Variants in CALCR observed in about 807,000 individuals in gnomAD.
The protein encoded by CALCR is calcitonin receptor.
In CALCR, 47 loss-of-function variants were observed where a neutral mutation model predicts 59.5. The observed-to-expected ratio is 0.79, with a 90% CI of 0.63 to 1.01. CALCR has a LOEUF of 1.01. Ranked by LOEUF, CALCR falls within the 50% of genes least tolerant of loss-of-function variation. CALCR has a pLI of 0.00. For missense variants in CALCR, 566 were observed against 597.1 expected, an observed-to-expected ratio of 0.95 and a Z score of 0.54; for synonymous variants, 213 against 211.3, an observed-to-expected ratio of 1.01 and a Z score of -0.07.
In CALCR at chr7:93,460,364, G is replaced by C. The variant is rs1300592434; in HGVS notation, c.648+457C>G. ...AAGTCAGGAGTTCAAGATCAGCCTG[G>C]CCAATATGGTGAAACCCCGTTTCTA... On this transcript the variant is annotated intron_variant, in intron 8 of 13. Coordinates refer to ENST00000426151, the MANE Select transcript of CALCR (RefSeq NM_001742.4). Among the ~76,000 whole-genome samples, 4 of 151,370 alleles carry C rather than the reference G, an allele frequency of 2.6e-5. No homozygotes were observed. In the East Asian group the frequency reaches 7.8e-4, roughly 29 times the overall value.
chr7:93,464,347 A>T (rs1463324658), intron 7 of CALCR, among the ~76,000 whole-genome samples: 1 of 152,032 alleles, frequency 6.6e-6, no homozygotes, highest in East Asian at 1.9e-4. Context: ...AAAAGAAAAC[A>T]AGTAAAAGTT....
At chr7:93,472,837 A>T (rs901308393) in intron 5 of CALCR, among the ~76,000 whole-genome samples, 2 of 151,798 alleles carry the variant, frequency 1.3e-5, no homozygotes, top group African/African-American at 4.8e-5. Flanking sequence ...CTACCTCATA[A>T]TTTTTTAACA....
chr7:93,517,317 A>ACTTTTTTTTTTTTTT (rs1191258842), intron 2 of CALCR, among the ~76,000 whole-genome samples: 2 of 127,814 alleles, frequency 1.6e-5, no homozygotes, highest in East Asian at 2.9e-4. Context: ...TTTTTTTTTA[A>ACTTTTTTTTTTTTTT]TTTGCTAGCC....
intron 8 of CALCR, among the ~76,000 whole-genome samples, chr7:93,456,034 A>G (rs1800203029): frequency 6.6e-6 from 1 of 152,156 alleles, no homozygotes; most frequent in South Asian, 2.1e-4. Context: ...AGGATTAGAT[A>G]AGAGATCTAA....
chr7:93,485,808 G>T (rs551082076), intron 3 of CALCR, among the ~76,000 whole-genome samples: 38 of 151,404 alleles, frequency 2.5e-4, no homozygotes, highest in African/African-American at 8.5e-4. Context: ...ATATTTAATA[G>T]GATAAAATGA....
At chr7:93,486,317 C>G (rs1300798805) in intron 3 of CALCR, among the ~76,000 whole-genome samples, 2 of 151,510 alleles carry the variant, frequency 1.3e-5, no homozygotes. Flanking sequence ...GATTATATTT[C>G]CGATTACTTG....
rs1801188753 is a variant in CALCR, at chr7:93,495,833, A to C, written c.-26-8826T>G. ...TTTAGAACATGCAAATGAAGAAACC[A>C]TTGTAAGAGGTTCAGTTACTGGTGG... On this transcript the variant is annotated intron_variant, in intron 2 of 13. Coordinates refer to ENST00000426151, the MANE Select transcript of CALCR (RefSeq NM_001742.4). 4.7e-6 allele frequency: 6 copies of C among 1,282,546 alleles called. No individual in the cohort carries two copies. The South Asian group carries it at 6.5e-5, about 14-fold the overall frequency. 79.4% of individuals were successfully genotyped at this position (1,282,546 alleles called of 1,614,324 possible). A position where few individuals can be genotyped will look rare whatever the true frequency, so the allele number is the denominator to read the frequency against.
intron 2 of CALCR, among the ~76,000 whole-genome samples, chr7:93,544,740 G>A (rs574305085): frequency 1.3e-5 from 2 of 152,288 alleles, no homozygotes; most frequent in African/African-American, 4.8e-5. Context: ...CTCAGCAACA[G>A]TGTGACCTAA....
intron 2 of CALCR, among the ~76,000 whole-genome samples, chr7:93,523,442 G>C (rs953280215): frequency 4.6e-5 from 7 of 152,130 alleles, no homozygotes; most frequent in Admixed American, 4.6e-4. Context: ...TGGACTGTGA[G>C]GTTATCGAGG....
chr7:93,471,036 T>C (rs918112074), intron 6 of CALCR, among the ~76,000 whole-genome samples: 6 of 151,306 alleles, frequency 4.0e-5, no homozygotes, highest in African/African-American at 1.5e-4. Context: ...TTTGGTTTTT[T>C]GTTCTTGCGA....
chr7:93,533,416 C>T (rs1427026440), intron 2 of CALCR, among the ~76,000 whole-genome samples: 1 of 151,906 alleles, frequency 6.6e-6, no homozygotes, highest in African/African-American at 2.4e-5. Context: ...AGAACTCTTT[C>T]CTCCAGAAGC....
At chr7:93,495,769 G>A (rs1007846437) in intron 2 of CALCR, 3 of 793,076 alleles carry the variant, frequency 3.8e-6, no homozygotes, top group African/African-American at 3.5e-5. Flanking sequence ...CCCTAAACCA[G>A]ATCAATGTGG....
chr7:93,515,617 A>T (rs1217074119), intron 2 of CALCR, among the ~76,000 whole-genome samples: 1 of 152,000 alleles, frequency 6.6e-6, no homozygotes, highest in Non-Finnish European at 1.5e-5. Flanking sequence ...CACATACACC[A>T]TTTGCACATT....
intron 2 of CALCR, among the ~76,000 whole-genome samples, chr7:93,548,545 G>GT (rs1050052949): frequency 1.2e-4 from 18 of 151,980 alleles, no homozygotes; most frequent in Middle Eastern, 3.4e-3. Flanking sequence ...ATATAAACAT[G>GT]TTTTTTCAGC....
chr7:93,441,902 CT>C (rs1234285634), intron 9 of CALCR, among the ~76,000 whole-genome samples: 2 of 152,148 alleles, frequency 1.3e-5, no homozygotes, highest in Non-Finnish European at 2.9e-5. Context: ...CCAGGGTAGG[CT>C]ACCTGCCTTC....
chr7:93,558,501 C>T, intron 2 of CALCR, among the ~76,000 whole-genome samples: 1 of 152,006 alleles, frequency 6.6e-6, no homozygotes, highest in South Asian at 2.1e-4. Flanking sequence ...CATTGTTTCT[C>T]TGTATTTCTC....
At chr7:93,495,853 T>C (rs373575876) in intron 2 of CALCR, 49 of 1,467,470 alleles carry the variant, frequency 3.3e-5, no homozygotes, top group Non-Finnish European at 4.3e-5. Flanking sequence ...GTTCAGTTAC[T>C]GGTGGGACAA....
intron 9 of CALCR, among the ~76,000 whole-genome samples, chr7:93,440,721 C>T (rs1030973432): frequency 2.6e-5 from 4 of 152,056 alleles, no homozygotes; most frequent in Admixed American, 2.6e-4. Context: ...GAACAATTAG[C>T]ATCAGGTCTG....
intron 2 of CALCR, among the ~76,000 whole-genome samples, chr7:93,508,416 T>A (rs561496936): frequency 3.9e-5 from 6 of 152,352 alleles, no homozygotes; most frequent in Non-Finnish European, 7.3e-5. Context: ...AAACAAATTT[T>A]TTTTTAATTT....
Sources: allele counts gnomAD v4.1 joint callset (sites outside exome capture counted in the v4.1 genomes callset), GRCh38; gene constraint gnomAD v4.1.1; transcripts MANE v1.5; gene names NCBI Gene and HGNC (gene_info 2026-07-23, HGNC 2026-07-21).